The following SLC16A12 variants were observed in gnomAD, a reference collection of about 807,000 sequenced individuals.
The protein encoded by SLC16A12 is monocarboxylate transporter 12.
In SLC16A12, 17 loss-of-function variants were observed where a neutral mutation model predicts 42.4. The ratio of observed to expected loss-of-function variants is 0.40; its 90% CI spans 0.27 to 0.60. The LOEUF (loss-of-function observed/expected upper bound fraction) is 0.60. Among genes scored for constraint, SLC16A12 ranks in the 20% least tolerant of loss-of-function variants. The probability of loss-of-function intolerance (pLI) is 0.42; values close to 1 mark genes in which losing one functional copy is unlikely to be tolerated. For synonymous variants in SLC16A12, 224 were observed against 229.4 expected, an observed-to-expected ratio of 0.98 and a Z score of 0.21; for missense variants, 544 against 623.0, an observed-to-expected ratio of 0.87 and a Z score of 1.35.
intron 2 of SLC16A12, among the ~76,000 whole-genome samples, chr10:89,472,786 C>T (rs981638329): frequency 1.3e-4 from 19 of 151,824 alleles, no homozygotes; most frequent in African/African-American, 4.3e-4. Flanking sequence ...AGCCACCGTG[C>T]CTGGTCAGTA....
At chr10:89,487,561 A>T (rs993914711) in intron 2 of SLC16A12, among the ~76,000 whole-genome samples, 2 of 151,680 alleles carry the variant, frequency 1.3e-5, no homozygotes, top group Non-Finnish European at 2.9e-5. Context: ...AACACTTTGG[A>T]AGTCCGAGGC....
intron 1 of SLC16A12, chr10:89,556,451 T>C (rs1843816595): frequency 6.6e-6 from 1 of 152,224 alleles, no homozygotes; most frequent in Admixed American, 6.5e-5. Context: ...CCATAGCCCT[T>C]GTTACAATGT....
chr10:89,501,014 T>A (rs1380519203), intron 2 of SLC16A12, among the ~76,000 whole-genome samples: 1 of 151,848 alleles, frequency 6.6e-6, no homozygotes, highest in Admixed American at 6.6e-5. Context: ...AAGCTGATAA[T>A]CAAATCAAGA....
intron 2 of SLC16A12, among the ~76,000 whole-genome samples, chr10:89,554,079 A>G (rs867688746): frequency 1.0e-3 from 68 of 66,554 alleles, no homozygotes; most frequent in African/African-American, 1.8e-3. Flanking sequence ...AAAGAAAGAA[A>G]GAAAGAAAGA....
intron 2 of SLC16A12, among the ~76,000 whole-genome samples, chr10:89,487,947 G>C (rs1842784471): frequency 7.7e-6 from 1 of 129,386 alleles, no homozygotes. Flanking sequence ...ATTGGATAAA[G>C]AAAATGTGGT....
At chr10:89,471,857 T>G (rs925221171) in intron 2 of SLC16A12, among the ~76,000 whole-genome samples, 8 of 152,230 alleles carry the variant, frequency 5.3e-5, no homozygotes, top group African/African-American at 1.9e-4. Flanking sequence ...TAGTTTTAAT[T>G]TGTACTTCCC....
Position 89,521,736 on chromosome 10 carries a change from G to A in SLC16A12, c.-47+12765C>T, listed in dbSNP as rs1843361602. Among the ~76,000 whole-genome samples, 3 of 152,176 alleles carry A rather than the reference G, an allele frequency of 2.0e-5. No homozygotes were observed. The South Asian group carries it at 6.2e-4, about 32-fold the overall frequency. On this transcript the variant is annotated intron_variant, in intron 2 of 7. Transcript: ENST00000371790. ...AAGAAGAGGAGGAGGTTTCATCAGG[G>A]CATGTAGTCTTTTCTTTCAATTGTA...
chr10:89,476,876 C>T (rs1210548215), intron 2 of SLC16A12, among the ~76,000 whole-genome samples: 14 of 152,216 alleles, frequency 9.2e-5, no homozygotes, highest in Non-Finnish European at 1.6e-4. Flanking sequence ...GCCTGGCACT[C>T]GGCCCACAGT....
Position 89,432,491 on chromosome 10 carries a change from T to C in SLC16A12, c.*573A>G, listed in dbSNP as rs1421876299. The C allele has an allele frequency of 6.6e-6, 1 of 152,224 alleles. No individual in the cohort carries two copies. Among genetic ancestry groups the C allele is most frequent in the Non-Finnish European group, 1.5e-5 (1 of 68,194 alleles). 9.4% of individuals were successfully genotyped at this position (152,224 alleles called of 1,614,324 possible). ...CTAAGAGAAAAAAAAAATAAGAGTT[T>C]CTTTCTATATTAATCACCACTTTTT... On this transcript the variant is annotated 3_prime_UTR_variant, in exon 8 of 8. Transcript: ENST00000371790.
At chr10:89,460,744 C>CAA (rs751005622) in intron 3 of SLC16A12, among the ~76,000 whole-genome samples, 2,382 of 68,098 alleles carry the variant, frequency 0.035, 95 homozygotes, top group East Asian at 0.11. Context: ...GACACTGTCT[C>CAA]AAAAAAAAAA....
chr10:89,487,970 A>G (rs368689085), intron 2 of SLC16A12, among the ~76,000 whole-genome samples: 2,340 of 42,772 alleles, frequency 0.055, 41 homozygotes, highest in African/African-American at 0.14. Flanking sequence ...GTGTGTATAT[A>G]TATATATATA....
rs556329958 is a variant in SLC16A12 at position 89,466,500 on chromosome 10, T to C, written c.-46-3876A>G. Among the ~76,000 whole-genome samples the C allele has an allele frequency of 3.9e-5, 6 of 152,324 alleles. No homozygotes were observed. In the South Asian group the frequency reaches 1.0e-3, roughly 26 times the overall value. Reference sequence around the variant, plus strand: ...TCACAGAATCATACTTATAGTCAAATGAGAGCACCCACAAACCAGCAGCAA... The same window carrying C: ...TCACAGAATCATACTTATAGTCAAACGAGAGCACCCACAAACCAGCAGCAA... On this transcript the variant is annotated intron_variant, in intron 2 of 7. Transcript: ENST00000371790.
intron 2 of SLC16A12, among the ~76,000 whole-genome samples, chr10:89,553,754 A>C (rs1291914223): frequency 6.6e-6 from 1 of 152,024 alleles, no homozygotes; most frequent in East Asian, 1.9e-4. Flanking sequence ...CACGCCTGTA[A>C]TCTCAGCACT....
intron 3 of SLC16A12, among the ~76,000 whole-genome samples, chr10:89,455,301 A>T (rs11816805): frequency 0.11 from 16,140 of 152,120 alleles, 2,782 homozygotes; most frequent in African/African-American, 0.36. Context: ...TGTTTTGGGG[A>T]ACTTAGTAGT....
chr10:89,441,911 T>G (rs1447469855), intron 4 of SLC16A12, among the ~76,000 whole-genome samples: 2 of 152,214 alleles, frequency 1.3e-5, no homozygotes, highest in East Asian at 3.9e-4. Flanking sequence ...GAGACCAAAA[T>G]GGAACTGAAG....
chr10:89,543,597 G>C (rs1216331460), intron 2 of SLC16A12, among the ~76,000 whole-genome samples: 2 of 152,198 alleles, frequency 1.3e-5, no homozygotes, highest in Non-Finnish European at 2.9e-5. Context: ...GGCAGGCCAA[G>C]ACAGGAGGAT....
intron 2 of SLC16A12, among the ~76,000 whole-genome samples, chr10:89,548,570 C>A (rs1228695866): frequency 6.6e-6 from 1 of 152,076 alleles, no homozygotes; most frequent in Non-Finnish European, 1.5e-5. Flanking sequence ...TAATCCCAGA[C>A]TTTGGGAGGC....
intron 7 of SLC16A12, among the ~76,000 whole-genome samples, chr10:89,434,805 G>T (rs1036941221): frequency 6.6e-6 from 1 of 152,032 alleles, no homozygotes; most frequent in Non-Finnish European, 1.5e-5. Flanking sequence ...TATTTACCTC[G>T]CATGAGCATC....
rs1311303663 is a variant in SLC16A12, at chr10:89,439,041, A to G, written c.591T>C (p.Leu197=). 1.9e-6 allele frequency: 3 copies of G among 1,613,976 alleles called. No individual in the cohort carries two copies. The South Asian group carries it at 3.3e-5, about 18-fold the overall frequency. ...TFILAPVVQL[L]IEQFSWRGAL... Reference sequence around the variant, plus strand: ...CTCCCCGCCAGGAAAACTGTTCAATAAGGAGCTGAACCACAGGAGCCAGGA... The same window carrying G: ...CTCCCCGCCAGGAAAACTGTTCAATGAGGAGCTGAACCACAGGAGCCAGGA... Residue 197 remains leucine, a synonymous_variant, in exon 6 of 8, where the codon CTT becomes CTC. Coordinates refer to ENST00000371790, the MANE Select transcript of SLC16A12 (RefSeq NM_213606.4).
Sources: gnomAD v4.1 joint callset for allele counts (sites outside exome capture counted in the v4.1 genomes callset) on GRCh38, gnomAD v4.1.1 for gene constraint, MANE v1.5 for transcripts, NCBI Gene and HGNC (gene_info 2026-07-23, HGNC 2026-07-21) for gene names.